TRPM5: variants seen among roughly 807,000 people sequenced by gnomAD.
TRPM5 encodes the protein MLSN1 and TRP-related.
In TRPM5, 121 loss-of-function variants were observed where a neutral mutation model predicts 124.9. The ratio of observed to expected loss-of-function variants is 0.97; its 90% CI spans 0.84 to 1.13. The LOEUF (loss-of-function observed/expected upper bound fraction) is 1.13, where lower values mean the gene tolerates loss of function less well. Ranked by LOEUF, TRPM5 falls within the 50% of genes most tolerant of loss-of-function variation. The pLI is 0.00. For missense variants in TRPM5, 1,643 were observed against 1,589.1 expected, an observed-to-expected ratio of 1.03 and a Z score of -0.58; for synonymous variants, 781 against 700.5, an observed-to-expected ratio of 1.11 and a Z score of -1.81.
chr11:2,420,197 C>A, intron 4 of TRPM5, 25 bp downstream of exon 9: 1 of 1,568,976 alleles, frequency 6.4e-7, no homozygotes, highest in Non-Finnish European at 8.6e-7. Context: ...CCAAGGCTTC[C>A]CTGGGTGGCT....
At chr11:2,411,567 G>C in intron 17 of TRPM5, 41 bp from the exon 23 acceptor site, 2 of 1,608,126 alleles carry the variant, frequency 1.2e-6, no homozygotes, top group Non-Finnish European at 1.7e-6. Flanking sequence ...TCAGCGGCCA[G>C]CCGGGTGGGG....
At chr11:2,415,990 A>G (rs1282608867) in exon 8 of TRPM5, 12 of 1,589,554 alleles carry the variant, frequency 7.5e-6, no homozygotes, top group Non-Finnish European at 1.0e-5. Flanking sequence ...GCTCATCCAG[A>G]TAGTCCTGAG....
chr11:2,422,838 C>T lies in TRPM5; in HGVS notation c.117+82G>A. On this transcript the variant is annotated intron_variant, in intron 1 of 23. Coordinates refer to ENST00000155858, the Ensembl canonical transcript of TRPM5. ...CCCAGGGGTGAGGAGGACCCTGGCA[C>T]TCAGCTTCCAGGGAAGGAAATGGGG... 6.4e-6 allele frequency: 8 copies of T among 1,257,804 alleles called. No individual in the cohort carries two copies. In the South Asian group the frequency reaches 9.5e-5, roughly 15 times the overall value. The allele number at this position is 1,257,804 out of a possible 1,614,324, so 77.9% of individuals were successfully genotyped here.
exon 21 of TRPM5, chr11:2,406,727 A>T (rs978157965): frequency 5.0e-6 from 8 of 1,613,374 alleles, no homozygotes; most frequent in Non-Finnish European, 6.8e-6. Flanking sequence ...CTTGCTCAGG[A>T]AGTTCTCCTT....
At chr11:2,437,138 G>C in the TRPM5 span, among the ~76,000 whole-genome samples, 1 of 152,234 alleles carries the variant, frequency 6.6e-6, no homozygotes, top group Non-Finnish European at 1.5e-5. This position sits in a 1 kb window ranked among gnomAD's most constrained non-coding sequence, Gnocchi z 5.6. Context: ...GGATCCCCAG[G>C]TCCTTCATGG....
At chr11:2,440,500 T>C in the TRPM5 span, among the ~76,000 whole-genome samples, 2 of 152,148 alleles carry the variant, frequency 1.3e-5, no homozygotes, top group Non-Finnish European at 2.9e-5. This position sits in a 1 kb window ranked among gnomAD's most constrained non-coding sequence, Gnocchi z 5.2. Flanking sequence ...CCATTCTGCA[T>C]TGGGTGCCTC....
At chr11:2,431,818 AG>A in the TRPM5 span, among the ~76,000 whole-genome samples, 1 of 152,122 alleles carries the variant, frequency 6.6e-6, no homozygotes, top group Non-Finnish European at 1.5e-5. Context: ...GTTAGTTTTC[AG>A]TATGCCTCAC....
intron 18 of TRPM5, among the ~76,000 whole-genome samples, chr11:2,410,920 G>C (rs891242415): frequency 6.6e-6 from 1 of 152,180 alleles, no homozygotes; most frequent in African/African-American, 2.4e-5. Context: ...GCCAGGGGCT[G>C]TGAGGAGAGC....
At chr11:2,405,485 G>A (rs775173700) in intron 23 of TRPM5, 42 bp downstream of exon 28, 59 of 1,539,382 alleles carry the variant, frequency 3.8e-5, no homozygotes, top group East Asian at 2.2e-4. Context: ...CAGAGTGGGT[G>A]CCCATGCCCA....
exon 18 of TRPM5, chr11:2,411,439 C>A: frequency 6.2e-7 from 1 of 1,612,354 alleles, no homozygotes; most frequent in African/African-American, 1.3e-5. Context: ...AGGCGGCCGT[C>A]ATGGGGGTGC....
In TRPM5 at chr11:2,413,028, G is replaced by A; in HGVS notation, c.2097-16C>T. 1 of 1,593,612 alleles carries A rather than the reference G, an allele frequency of 6.3e-7. No individual in the cohort carries two copies. The highest frequency in any genetic ancestry group is 8.5e-7 in the Non-Finnish European group (1 of 1,171,050). On this transcript the variant is annotated splice_polypyrimidine_tract_variant and intron_variant, in intron 14 of 23. Transcript: ENST00000155858. The stretch of plus-strand genomic sequence containing the variant: ...CTCCTCCACCCTGTGCCGCAGAGAA[G>A]TTCGCAGTGGTGAGGCTGGCGCCCA...
At chr11:2,414,588 C>G in intron 11 of TRPM5, 127 bp downstream of exon 16, 1 of 1,326,388 alleles carries the variant, frequency 7.5e-7, no homozygotes, top group South Asian at 1.5e-5. Context: ...ATGGAGGAGG[C>G]CCCTGAGGGC....
rs1589866950 is a variant in TRPM5, at chr11:2,409,533, G to A, written c.2783-1621C>T. Among the ~76,000 whole-genome samples the A allele has an allele frequency of 2.6e-5, 4 of 152,326 alleles. No homozygotes were observed. In the South Asian group the frequency reaches 8.3e-4, roughly 32 times the overall value. On this transcript the variant is annotated intron_variant, in intron 18 of 23. Coordinates refer to ENST00000155858, the Ensembl canonical transcript of TRPM5. ...TCCGGCTCGGCACGAGTGCAGAGTG[G>A]GGCAGGGGTCTGTTCTGGGCTCTGA...
At chr11:2,415,446 A>G (rs1354230996) in exon 9 of TRPM5, 1 of 1,581,372 alleles carries the variant, frequency 6.3e-7, no homozygotes, top group Admixed American at 1.7e-5. Context: ...CAGGGCGTCC[A>G]CCATCACCTC....
At position 2,421,154 on chromosome 11, in the gene TRPM5, G is replaced by A. The variant is rs780630779; in HGVS notation, c.343C>T (p.His115Tyr). 145 of 1,542,036 alleles carry A rather than the reference G, an allele frequency of 9.4e-5. 3 individuals are homozygous for A. In the South Asian group the frequency reaches 1.4e-3, roughly 14 times the overall value. The change falls in exon 3 of 24, where the codon CAT becomes TAT. Residue 115 changes from histidine to tyrosine, a missense_variant. Transcript: ENST00000155858. ...TGGTCGCGCACGGCCTGCCCGACAT[G>A]CCTGGCCAGGCCCACGCGGAGGGCA... is the stretch of plus-strand genomic sequence containing the variant.
At chr11:2,416,479 C>T (rs897271714) in intron 7 of TRPM5, among the ~76,000 whole-genome samples, 2 of 152,210 alleles carry the variant, frequency 1.3e-5, no homozygotes, top group African/African-American at 2.4e-5. Context: ...GGTGCGCCTG[C>T]TGGAAACCGC....
exon 9 of TRPM5, chr11:2,415,186 C>T (rs770370878): frequency 2.5e-6 from 4 of 1,585,380 alleles, no homozygotes; most frequent in African/African-American, 1.3e-5. Context: ...TGCAGGAAGT[C>T]CTTGAGTACG....
At chr11:2,430,115 C>T in the TRPM5 span, among the ~76,000 whole-genome samples, 40 of 152,262 alleles carry the variant, frequency 2.6e-4, no homozygotes, top group East Asian at 5.2e-3. Context: ...TGTTCCTCCC[C>T]GCCTACAACC....
At chr11:2,418,456 G>T in intron 5 of TRPM5, 71 bp downstream of exon 10, 1 of 1,556,884 alleles carries the variant, frequency 6.4e-7, no homozygotes, top group Non-Finnish European at 8.7e-7. Context: ...CCCTGTCCCA[G>T]GGGTGCCCAG....
Sources: allele counts gnomAD v4.1 joint callset (sites outside exome capture counted in the v4.1 genomes callset), GRCh38; gene constraint gnomAD v4.1.1; non-coding constraint Gnocchi (gnomAD v3.1); transcripts MANE v1.5; gene names NCBI Gene and HGNC (gene_info 2026-07-23, HGNC 2026-07-21).